The following CPQ variants were observed in gnomAD, a reference collection of about 807,000 sequenced individuals.
CPQ encodes the protein Ser-Met dipeptidase.
CPQ carries 37 observed loss-of-function variants against 45.7 expected under a neutral mutation model. The ratio of observed to expected loss-of-function variants is 0.81; its 90% confidence interval spans 0.62 to 1.07. The LOEUF is 1.07. CPQ is among the 50% of genes least tolerant of loss of function. CPQ has a pLI of 0.00. For missense variants in CPQ, 537 were observed against 572.9 expected (o/e 0.94, Z 0.64); for synonymous variants, 186 against 205.8 (o/e 0.90, Z 0.82).
intron 6 of CPQ, among the ~76,000 whole-genome samples, chr8:97,056,103 C>CACACAT (rs763435127): frequency 8.7e-6 from 1 of 115,218 alleles, no homozygotes; most frequent in African/African-American, 5.8e-5. Flanking sequence ...TATCTCAAAA[C>CACACAT]ACACACACAC....
At chr8:97,091,287 A>C (rs1473697566) in intron 7 of CPQ, among the ~76,000 whole-genome samples, 2 of 152,172 alleles carry the variant, frequency 1.3e-5, no homozygotes, top group Non-Finnish European at 2.9e-5. Flanking sequence ...GGGATGTCTG[A>C]TATTTTGTGG....
chr8:97,007,023 AG>A (rs1809396701), intron 5 of CPQ, among the ~76,000 whole-genome samples: 1 of 152,240 alleles, frequency 6.6e-6, no homozygotes, highest in Admixed American at 6.5e-5. Context: ...GAAACATAAA[AG>A]AAAACCAGAG....
chr8:96,699,861 C>T (rs1213142997), intron 1 of CPQ, among the ~76,000 whole-genome samples: 2 of 152,170 alleles, frequency 1.3e-5, no homozygotes, highest in East Asian at 1.9e-4. Flanking sequence ...CACCCAAGGC[C>T]TTTCCTATCA....
chr8:97,110,933 G>A (rs1480401069), intron 7 of CPQ, among the ~76,000 whole-genome samples: 1 of 152,170 alleles, frequency 6.6e-6, no homozygotes, highest in African/African-American at 2.4e-5. Context: ...TGGGGCTCCT[G>A]CGGCCATTTG....
intron 4 of CPQ, among the ~76,000 whole-genome samples, chr8:96,908,747 GCACA>G (rs34425501): frequency 1.8e-4 from 26 of 140,918 alleles, no homozygotes; most frequent in Non-Finnish European, 9.5e-5. Context: ...ATACACATGC[GCACA>G]CACACACACA....
At chr8:96,707,466 A>T (rs1210533061) in intron 1 of CPQ, among the ~76,000 whole-genome samples, 1 of 150,462 alleles carries the variant, frequency 6.6e-6, no homozygotes, top group Admixed American at 6.6e-5. Flanking sequence ...ACATTATGAG[A>T]TTTTTTTTTT....
intron 6 of CPQ, among the ~76,000 whole-genome samples, chr8:97,043,167 C>T (rs913181496): frequency 6.6e-6 from 1 of 152,170 alleles, no homozygotes; most frequent in African/African-American, 2.4e-5. Flanking sequence ...AATCTGGGTG[C>T]TCCTGTATTG....
intron 7 of CPQ, among the ~76,000 whole-genome samples, chr8:97,107,298 T>A (rs1210273805): frequency 6.6e-6 from 1 of 152,242 alleles, no homozygotes; most frequent in Non-Finnish European, 1.5e-5. Context: ...TTTAGAATTA[T>A]TGGACTTTGG....
At chr8:97,048,885 G>A (rs750236558) in intron 6 of CPQ, among the ~76,000 whole-genome samples, 1 of 152,098 alleles carries the variant, frequency 6.6e-6, no homozygotes, top group African/African-American at 2.4e-5. Context: ...GCACACTTTT[G>A]TGATGGCTTT....
chr8:96,713,735 G>C (rs1023210176), intron 1 of CPQ, among the ~76,000 whole-genome samples: 6 of 152,058 alleles, frequency 3.9e-5, no homozygotes, highest in Non-Finnish European at 8.8e-5. Flanking sequence ...CCATACCAAG[G>C]TCCTTGAGTT....
At chr8:96,675,220 C>T (rs1289342001) in intron 1 of CPQ, among the ~76,000 whole-genome samples, 3 of 152,028 alleles carry the variant, frequency 2.0e-5, no homozygotes, top group Non-Finnish European at 2.9e-5. Context: ...GGGTTACCCT[C>T]CACAGAGACA....
intron 1 of CPQ, among the ~76,000 whole-genome samples, chr8:96,745,060 A>C (rs764179891): frequency 6.6e-6 from 1 of 152,224 alleles, no homozygotes; most frequent in African/African-American, 2.4e-5. Context: ...CTGTAATCCC[A>C]GCACTTTGGG....
At chr8:97,036,882 G>A (rs1810015111) in intron 6 of CPQ, among the ~76,000 whole-genome samples, 1 of 152,068 alleles carries the variant, frequency 6.6e-6, no homozygotes, top group South Asian at 2.1e-4. Context: ...ACAAACTTCT[G>A]GCAATTGAAT....
chr8:96,849,848 C>A (rs750274763), intron 3 of CPQ, among the ~76,000 whole-genome samples: 1 of 152,132 alleles, frequency 6.6e-6, no homozygotes, highest in African/African-American at 2.4e-5. Flanking sequence ...TTTTTAGAAC[C>A]CAGATTTTTT....
At chr8:96,653,048 C>T (rs1815596559) in intron 1 of CPQ, among the ~76,000 whole-genome samples, 1 of 152,182 alleles carries the variant, frequency 6.6e-6, no homozygotes, top group Admixed American at 6.5e-5. Flanking sequence ...CCTCCCTCCT[C>T]AGCCTCCTAG....
intron 4 of CPQ, among the ~76,000 whole-genome samples, chr8:96,887,275 A>C (rs1443176749): frequency 6.6e-6 from 1 of 152,236 alleles, no homozygotes; most frequent in Non-Finnish European, 1.5e-5. Context: ...CGGAAAGTTC[A>C]AATGTATGCT....
At position 96,904,231 on chromosome 8, in the gene CPQ, CT is replaced by C. The variant is rs1333345391; in HGVS notation, c.849+24227del. On this transcript the variant is annotated intron_variant, in intron 4 of 7. Transcript: ENST00000220763. ...AAGCTCTCCTCTCCCAACATTTCCT[CT>C]CCTCAGTTTAACCCGAGTTATGTGT... 2.1e-4 allele frequency among the ~76,000 whole-genome samples: 3 copies of C among 14,008 alleles called. No homozygotes were observed. In the African/African-American group the frequency reaches 4.0e-3, roughly 19 times the overall value. 9.2% of individuals were successfully genotyped at this position (14,008 alleles called of 152,430 possible).
intron 4 of CPQ, among the ~76,000 whole-genome samples, chr8:96,880,440 A>T (rs1448858773): frequency 6.6e-6 from 1 of 150,442 alleles, no homozygotes; most frequent in Non-Finnish European, 1.5e-5. Context: ...TTATTGCAGC[A>T]CTATTCACAA....
chr8:96,782,078 G>A (rs1447440435), intron 1 of CPQ, among the ~76,000 whole-genome samples: 2 of 152,166 alleles, frequency 1.3e-5, no homozygotes, highest in African/African-American at 2.4e-5. Flanking sequence ...CTGGCTTTGT[G>A]TGCTGGTATC....
Sources: gnomAD v4.1 joint callset for allele counts (sites outside exome capture counted in the v4.1 genomes callset) on GRCh38, gnomAD v4.1.1 for gene constraint, MANE v1.5 for transcripts, NCBI Gene and HGNC (gene_info 2026-07-23, HGNC 2026-07-21) for gene names.